The following CPNE4 variants were observed in gnomAD, a reference collection of about 807,000 sequenced individuals.
The protein encoded by CPNE4 is copine 4.
In CPNE4, 25 loss-of-function variants were observed where a neutral mutation model predicts 67.9. The ratio of observed to expected loss-of-function variants is 0.37; its 90% confidence interval spans 0.27 to 0.51. CPNE4 has a LOEUF of 0.51. CPNE4 is among the 20% of genes least tolerant of loss of function. The probability of loss-of-function intolerance (pLI) is 0.93; values close to 1 mark genes in which losing one functional copy is unlikely to be tolerated. For synonymous variants in CPNE4, 242 were observed against 244.9 expected, an observed-to-expected ratio of 0.99 and a Z score of 0.11; for missense variants, 464 against 690.8, an observed-to-expected ratio of 0.67 and a Z score of 3.68.
chr3:131,873,106 T>C (rs2087289759), intron 2 of CPNE4, among the ~76,000 whole-genome samples: 1 of 152,206 alleles, frequency 6.6e-6, no homozygotes, highest in South Asian at 2.1e-4. Context: ...AAGATAGCTC[T>C]TATCACACTA....
chr3:131,770,956 T>C (rs564159633), intron 2 of CPNE4, among the ~76,000 whole-genome samples: 19 of 152,300 alleles, frequency 1.2e-4, no homozygotes, highest in African/African-American at 4.6e-4. Flanking sequence ...ATTTTATTGA[T>C]CAAGCCAGAA....
chr3:131,962,778 A>G (rs1439461868), intron 1 of CPNE4, among the ~76,000 whole-genome samples: 1 of 152,166 alleles, frequency 6.6e-6, no homozygotes, highest in Non-Finnish European at 1.5e-5. Flanking sequence ...GAGAGAGAAA[A>G]TGGCTTTCAG....
At chr3:131,972,830 C>T (rs11915228) in intron 1 of CPNE4, among the ~76,000 whole-genome samples, 10,453 of 152,160 alleles carry the variant, frequency 0.069, 1,126 homozygotes, top group African/African-American at 0.23. Context: ...GAAGGCTGGA[C>T]CAGATGTTCC....
intron 1 of CPNE4, among the ~76,000 whole-genome samples, chr3:132,028,302 A>C (rs2067271081): frequency 6.6e-6 from 1 of 152,176 alleles, no homozygotes; most frequent in Non-Finnish European, 1.5e-5. Context: ...AGACAAACCA[A>C]ATATCTCCTT....
At chr3:131,978,719 C>T (rs1160271342) in intron 1 of CPNE4, among the ~76,000 whole-genome samples, 1 of 147,930 alleles carries the variant, frequency 6.8e-6, no homozygotes, top group East Asian at 2.0e-4. Context: ...TGGTTATTTT[C>T]TTTCTTCTGC....
chr3:131,942,463 T>TGTGAGAGAGA lies in CPNE4; in HGVS notation c.-1-37020_-1-37019insTCTCTCTCAC, dbSNP rs2071424814. Among the ~76,000 whole-genome samples the TGTGAGAGAGA allele has an allele frequency of 3.8e-4, 27 of 70,748 alleles. 1 individual carries two copies. The highest frequency in any genetic ancestry group is 1.3e-3 in the African/African-American group (27 of 20,058). 46.4% of individuals were successfully genotyped at this position (70,748 alleles called of 152,430 possible). Reference sequence around the variant, plus strand: ...GTGTGTGTGTGTGTGTGTGTGTGTGTGAGAGAGAGAGAGAGAGAGAGAGAG... The same window carrying TGTGAGAGAGA: ...GTGTGTGTGTGTGTGTGTGTGTGTGTGTGAGAGAGAGAGAGAGAGAGAGAGAGAGAGAGAG... On this transcript the variant is annotated intron_variant, in intron 1 of 15. Coordinates refer to ENST00000429747, the MANE Select transcript of CPNE4 (RefSeq NM_130808.3).
chr3:132,011,245 T>G (rs773079842), intron 1 of CPNE4, among the ~76,000 whole-genome samples: 11 of 151,660 alleles, frequency 7.3e-5, no homozygotes, highest in Non-Finnish European at 4.4e-5. Flanking sequence ...TAGAAAGGGG[T>G]TTGCTCAAAA....
At chr3:131,596,959 T>C (rs1938917701) in intron 7 of CPNE4, among the ~76,000 whole-genome samples, 1 of 152,206 alleles carries the variant, frequency 6.6e-6, no homozygotes, top group Non-Finnish European at 1.5e-5. Context: ...CTTCCCTGGT[T>C]TTCATGTAGT....
chr3:131,639,923 A>G (rs1197047031), intron 7 of CPNE4, among the ~76,000 whole-genome samples: 1 of 152,206 alleles, frequency 6.6e-6, no homozygotes, highest in Admixed American at 6.5e-5. Context: ...GATTATCTCA[A>G]TAGATGCATA....
chr3:131,593,384 T>TAAGTC (rs1484113609), intron 7 of CPNE4, among the ~76,000 whole-genome samples: 1 of 152,216 alleles, frequency 6.6e-6, no homozygotes, highest in Non-Finnish European at 1.5e-5. Context: ...ACTCTTTGGT[T>TAAGTC]AAGTCTATCC....
rs142885168 is a variant in CPNE4 at position 131,783,287 on chromosome 3, ATAGGCC to A, written c.181-59668_181-59663del. On this transcript the variant is annotated intron_variant, in intron 2 of 15. Transcript: ENST00000429747. Reference sequence around the variant, plus strand: ...CTGATCTTCTCAACCACCCTATGAGATAGGCCTAGTAGTGAATAATGGGCATCAGTT... The same window carrying A: ...CTGATCTTCTCAACCACCCTATGAGATAGTAGTGAATAATGGGCATCAGTT... Among the ~76,000 whole-genome samples the A allele has an allele frequency of 5.8e-3, 879 of 152,198 alleles. 8 individuals carry two copies. Among genetic ancestry groups the A allele is most frequent in the African/African-American group, 0.02 (834 of 41,546 alleles).
At chr3:131,917,617 C>T (rs1278942255) in intron 1 of CPNE4, among the ~76,000 whole-genome samples, 1 of 151,974 alleles carries the variant, frequency 6.6e-6, no homozygotes, top group Non-Finnish European at 1.5e-5. Flanking sequence ...GTCTGAATAC[C>T]AGGTGGGGTT....
chr3:131,864,168 A>C (rs2086825341), intron 2 of CPNE4, among the ~76,000 whole-genome samples: 1 of 151,350 alleles, frequency 6.6e-6, no homozygotes, highest in African/African-American at 2.4e-5. Context: ...CTTTTGGCTT[A>C]GGCTTGACTT....
chr3:131,955,192 G>A (rs1352751468), intron 1 of CPNE4, among the ~76,000 whole-genome samples: 1 of 151,258 alleles, frequency 6.6e-6, no homozygotes, highest in Non-Finnish European at 1.5e-5. Flanking sequence ...GTGCATCCTT[G>A]TCTCATACCC....
At position 131,741,246 on chromosome 3, in the gene CPNE4, G is replaced by C. The variant is rs35828766; in HGVS notation, c.181-17621C>G. ...AATATTAACAACTGATTCAGTAAAG[G>C]CATCATCCAAGCAGAGCAAATGCAG... On this transcript the variant is annotated intron_variant, in intron 2 of 15. Transcript: ENST00000429747. 7.3e-3 allele frequency among the ~76,000 whole-genome samples: 1,104 copies of C among 152,144 alleles called. 3 individuals are homozygous for C. The highest frequency in any genetic ancestry group is 8.9e-3 in the Non-Finnish European group (605 of 68,022).
chr3:131,913,473 A>G (rs2089062723), intron 1 of CPNE4, among the ~76,000 whole-genome samples: 1 of 152,192 alleles, frequency 6.6e-6, no homozygotes, highest in African/African-American at 2.4e-5. Flanking sequence ...GCCACTGTGC[A>G]TGTGGACAAC....
intron 2 of CPNE4, among the ~76,000 whole-genome samples, chr3:131,751,633 A>C (rs1388247750): frequency 6.6e-6 from 1 of 152,032 alleles, no homozygotes; most frequent in Non-Finnish European, 1.5e-5. Flanking sequence ...CTGTCATCTT[A>C]GTGTTGGAAT....
At chr3:131,720,728 G>A (rs549508533) in intron 3 of CPNE4, among the ~76,000 whole-genome samples, 22 of 152,248 alleles carry the variant, frequency 1.4e-4, no homozygotes, top group African/African-American at 4.8e-4. Flanking sequence ...CTCCAGTTAC[G>A]TACGGTGGTA....
intron 3 of CPNE4, among the ~76,000 whole-genome samples, chr3:131,709,623 A>G (rs1583058263): frequency 6.6e-6 from 1 of 152,224 alleles, no homozygotes; most frequent in African/African-American, 2.4e-5. Flanking sequence ...TCAGAGCCAG[A>G]AGGCTCAGTT....
Sources: gnomAD v4.1 joint callset for allele counts (sites outside exome capture counted in the v4.1 genomes callset) on GRCh38, gnomAD v4.1.1 for gene constraint, MANE v1.5 for transcripts, NCBI Gene and HGNC (gene_info 2026-07-23, HGNC 2026-07-21) for gene names.